TSHZ3: variants seen among roughly 807,000 people sequenced by gnomAD.
TSHZ3 encodes the protein teashirt zinc finger homeobox 3.
A neutral mutation model predicts 64.5 loss-of-function variants in TSHZ3; 10 were observed. The observed-to-expected ratio is 0.16, with a 90% CI of 0.10 to 0.26. TSHZ3 has a LOEUF of 0.26. Among genes scored for constraint, TSHZ3 ranks in the 10% least tolerant of loss-of-function variants. The pLI, the probability that TSHZ3 is intolerant of heterozygous loss-of-function variation, is 1.00. For synonymous variants in TSHZ3, 608 were observed against 593.1 expected (o/e 1.03, Z -0.36); for missense variants, 1,242 against 1,421.7 (o/e 0.87, Z 2.03).
intron 5 of TSHZ3, among the ~76,000 whole-genome samples, chr19:31,162,602 T>A (rs1974386326): frequency 6.6e-6 from 1 of 152,180 alleles, no homozygotes; most frequent in Admixed American, 6.5e-5. Flanking sequence ...ATGAAATTTC[T>A]TTACCACCAA....
intron 1 of TSHZ3, among the ~76,000 whole-genome samples, chr19:31,251,301 C>A (rs1204223757): frequency 6.6e-6 from 1 of 152,096 alleles, no homozygotes; most frequent in African/African-American, 2.4e-5. Context: ...TGCTTTAGCC[C>A]CCTTAGGAAG....
chr19:31,284,592 T>C (rs1180895744), intron 1 of TSHZ3, among the ~76,000 whole-genome samples: 1 of 152,058 alleles, frequency 6.6e-6, no homozygotes, highest in African/African-American at 2.4e-5. Flanking sequence ...TAGCACTGCC[T>C]CCTCTGCTGG....
chr19:31,320,317 T>G (rs1226860452), intron 1 of TSHZ3, among the ~76,000 whole-genome samples: 1 of 152,212 alleles, frequency 6.6e-6, no homozygotes, highest in African/African-American at 2.4e-5. Flanking sequence ...ATCCTGGACG[T>G]AGTCCTTTTT....
chr19:31,289,272 C>A (rs1976520137), intron 1 of TSHZ3, among the ~76,000 whole-genome samples: 1 of 152,158 alleles, frequency 6.6e-6, no homozygotes, highest in South Asian at 2.1e-4. Context: ...TCCATGCTGA[C>A]CTCATCACAA....
intron 4 of TSHZ3, among the ~76,000 whole-genome samples, chr19:31,216,248 T>G (rs1975327006): frequency 6.6e-6 from 1 of 152,086 alleles, no homozygotes; most frequent in South Asian, 2.1e-4. Context: ...TAGGCCTTTT[T>G]GGGGGGGCTC....
At chr19:31,181,716 A>T (rs1489080114) in intron 5 of TSHZ3, among the ~76,000 whole-genome samples, 2 of 152,182 alleles carry the variant, frequency 1.3e-5, no homozygotes, top group Non-Finnish European at 2.9e-5. Flanking sequence ...GCAATGAGGA[A>T]GTGAAGGTAC....
chr19:31,256,746 C>T (rs932714540), intron 1 of TSHZ3, among the ~76,000 whole-genome samples: 2 of 152,188 alleles, frequency 1.3e-5, no homozygotes, highest in South Asian at 2.1e-4. Flanking sequence ...GGGTCACTGC[C>T]CTGCCCGCCT....
intron 1 of TSHZ3, among the ~76,000 whole-genome samples, chr19:31,310,103 T>A (rs1242270231): frequency 6.6e-6 from 1 of 152,196 alleles, no homozygotes; most frequent in African/African-American, 2.4e-5. Context: ...GAGCGACATC[T>A]CCTTCCCATC....
At chr19:31,347,634 G>A (rs966241077) in intron 1 of TSHZ3, among the ~76,000 whole-genome samples, 2 of 152,126 alleles carry the variant, frequency 1.3e-5, no homozygotes, top group African/African-American at 4.8e-5. Flanking sequence ...GTTAACTAGG[G>A]AGGCGGCAAG....
intron 1 of TSHZ3, among the ~76,000 whole-genome samples, chr19:31,296,979 T>C (rs763107886): frequency 1.3e-5 from 2 of 152,184 alleles, no homozygotes; most frequent in African/African-American, 2.4e-5. Context: ...AACAGAGACA[T>C]AGGCAAACTA....
chr19:31,344,206 G>C (rs1029350864), intron 1 of TSHZ3, among the ~76,000 whole-genome samples: 1 of 152,026 alleles, frequency 6.6e-6, no homozygotes, highest in African/African-American at 2.4e-5. Flanking sequence ...CGCACACACA[G>C]AGTGAACACC....
intron 1 of TSHZ3, among the ~76,000 whole-genome samples, chr19:31,341,340 T>C (rs954839739): frequency 1.3e-5 from 2 of 152,112 alleles, no homozygotes; most frequent in Non-Finnish European, 2.9e-5. Context: ...TCAGGCAAAC[T>C]TCCCTGATGT....
chr19:31,295,945 T>C lies in TSHZ3; in HGVS notation c.41-16193A>G, dbSNP rs146202628. ...TGCCCCTCGCTTTCCCCCACTCCCATCTAGTAGGCCCCAGTGTCCACTGTT... is the reference window on the plus strand; with the variant it reads ...TGCCCCTCGCTTTCCCCCACTCCCACCTAGTAGGCCCCAGTGTCCACTGTT... On this transcript the variant is annotated intron_variant, in intron 1 of 1. Transcript: ENST00000240587. 3.1e-3 allele frequency among the ~76,000 whole-genome samples: 442 copies of C among 144,140 alleles called. 5 individuals are homozygous for C. The highest frequency in any genetic ancestry group is 0.011 in the African/African-American group (430 of 38,172). The allele number at this position is 144,140 out of a possible 152,430, so 94.6% of individuals were successfully genotyped here.
In TSHZ3 at chr19:31,279,267, G is replaced by T. The variant is rs1465540720; in HGVS notation, c.526C>A (p.Leu176Met). 1.2e-6 allele frequency: 2 copies of T among 1,614,170 alleles called. No individual in the cohort carries two copies. Among genetic ancestry groups the T allele is most frequent in the South Asian group, 2.2e-5 (2 of 91,080 alleles). Residue 176 changes from leucine (L) to methionine (M), a missense_variant, in exon 2 of 2, where the codon CTG (leucine) becomes ATG (methionine). Transcript: ENST00000240587. This position sits in a 1 kb window ranked among gnomAD's most constrained non-coding sequence, Gnocchi z 6.4. Reference protein sequence around the residue: ...DWHQSAMAKTLQQVSQSRMLP... With the variant: ...DWHQSAMAKTMQQVSQSRMLP... ...ATGCGGCTCTGTGACACCTGCTGCA[G>T]CGTCTTAGCCATGGCGCTCTGGTGC...
chr19:31,158,981 TG>T (rs1264100690), intron 5 of TSHZ3, among the ~76,000 whole-genome samples: 1 of 152,086 alleles, frequency 6.6e-6, no homozygotes, highest in Non-Finnish European at 1.5e-5. Flanking sequence ...CTTTCTCTTA[TG>T]CCTCCCTCTT....
chr19:31,327,826 T>C (rs1916974876), intron 1 of TSHZ3, among the ~76,000 whole-genome samples: 1 of 152,160 alleles, frequency 6.6e-6, no homozygotes, highest in Admixed American at 6.5e-5. Context: ...CGAATTGCAC[T>C]GGGAAAAAAA....
chr19:31,181,620 T>C (rs1363104076), intron 5 of TSHZ3, among the ~76,000 whole-genome samples: 1 of 151,792 alleles, frequency 6.6e-6, no homozygotes, highest in Non-Finnish European at 1.5e-5. Context: ...AGCATGGGCA[T>C]CCCCCTCCAG....
chr19:31,337,491 A>G (rs1056019811), intron 1 of TSHZ3, among the ~76,000 whole-genome samples: 3 of 152,138 alleles, frequency 2.0e-5, no homozygotes, highest in Admixed American at 6.5e-5. Context: ...CACCTTCAAC[A>G]CTGCCCAAGT....
At chr19:31,306,663 T>A (rs1403545222) in intron 1 of TSHZ3, among the ~76,000 whole-genome samples, 1 of 152,186 alleles carries the variant, frequency 6.6e-6, no homozygotes, top group African/African-American at 2.4e-5. Context: ...TACCTGCCAT[T>A]TTTTATAACA....
Sources: gnomAD v4.1 joint callset for allele counts (sites outside exome capture counted in the v4.1 genomes callset) on GRCh38, gnomAD v4.1.1 for gene constraint, Gnocchi (gnomAD v3.1) non-coding constraint, MANE v1.5 for transcripts, NCBI Gene and HGNC (gene_info 2026-07-23, HGNC 2026-07-21) for gene names.